Variants in TECRL observed in about 807,000 individuals in gnomAD.
TECRL encodes trans-2,3-enoyl-CoA reductase like, also known as trans-2,3-enoyl-CoA reductase-like.
A neutral mutation model predicts 52.8 loss-of-function variants in TECRL; 63 were observed. That is an observed-to-expected ratio of 1.19 (90% CI 0.97 to 1.47). The LOEUF (loss-of-function observed/expected upper bound fraction) is 1.47, where lower values mean the gene tolerates loss of function less well. Ranked by LOEUF, TECRL falls within the 40% of genes most tolerant of loss-of-function variation. The probability of loss-of-function intolerance (pLI) is 0.00; values close to 1 mark genes in which losing one functional copy is unlikely to be tolerated. For missense variants in TECRL, 482 were observed against 429.6 expected, an observed-to-expected ratio of 1.12 and a Z score of -1.08; for synonymous variants, 164 against 141.9, an observed-to-expected ratio of 1.16 and a Z score of -1.10.
chr4:64,314,744 G>A lies in TECRL; in HGVS notation c.455C>T (p.Thr152Ile), dbSNP rs1717367166. Residue 152 changes from threonine to isoleucine, a missense_variant, in exon 5 of 12, where the codon ACA becomes ATA. By Grantham distance (89) the Thr-to-Ile change is moderately conservative. Transcript: ENST00000381210. ...GAGGAGGTATATTAGCAGAGGTCCTGTGTATTCAGCCAAAAACACCTGAAA... is the reference window on the plus strand; with the variant it reads ...GAGGAGGTATATTAGCAGAGGTCCTATGTATTCAGCCAAAAACACCTGAAA... ...SWTTVFLAEY[T>I]GPLLIYLLFY... 2 of 1,612,808 alleles carry A rather than the reference G, an allele frequency of 1.2e-6. No homozygotes were observed. Among genetic ancestry groups the A allele is most frequent in the African/African-American group, 2.7e-5 (2 of 74,842 alleles).
chr4:64,373,723 TCAAA>T (rs1178315456), intron 2 of TECRL, among the ~76,000 whole-genome samples: 4 of 151,468 alleles, frequency 2.6e-5, no homozygotes, highest in Admixed American at 2.0e-4. Flanking sequence ...AAAGTCATTT[TCAAA>T]TGTCTTCCTA....
chr4:64,341,488 TAC>T (rs1719565122), intron 2 of TECRL, among the ~76,000 whole-genome samples: 1 of 151,992 alleles, frequency 6.6e-6, no homozygotes, highest in Non-Finnish European at 1.5e-5. Context: ...TAATCTCAGC[TAC>T]TTGGGAGGCT....
chr4:64,407,467 A>T (rs1317474848), intron 1 of TECRL, among the ~76,000 whole-genome samples: 1 of 151,072 alleles, frequency 6.6e-6, no homozygotes, highest in Non-Finnish European at 1.5e-5. Context: ...TAAGGCAAAT[A>T]ATTAGGAACT....
At chr4:64,367,492 C>T (rs1421907268) in intron 2 of TECRL, among the ~76,000 whole-genome samples, 1 of 151,892 alleles carries the variant, frequency 6.6e-6, no homozygotes, top group East Asian at 1.9e-4. Context: ...GGCAAAAAAC[C>T]AACACAAAAT....
chr4:64,341,508 G>T (rs1002537264), intron 2 of TECRL, among the ~76,000 whole-genome samples: 1 of 152,148 alleles, frequency 6.6e-6, no homozygotes, highest in African/African-American at 2.4e-5. Context: ...GCTGAGGCAG[G>T]AGAATCATTT....
At chr4:64,355,583 T>C (rs889537612) in intron 2 of TECRL, among the ~76,000 whole-genome samples, 1 of 151,756 alleles carries the variant, frequency 6.6e-6, no homozygotes, top group Non-Finnish European at 1.5e-5. Context: ...CAGATGACGA[T>C]GTCAGGAGAT....
chr4:64,345,738 A>T (rs919237178), intron 2 of TECRL, among the ~76,000 whole-genome samples: 2 of 151,746 alleles, frequency 1.3e-5, no homozygotes, highest in African/African-American at 4.8e-5. Flanking sequence ...CTAAGTCACA[A>T]GCAGACCCCA....
At chr4:64,385,658 T>A (rs1210924441) in intron 1 of TECRL, among the ~76,000 whole-genome samples, 1 of 152,026 alleles carries the variant, frequency 6.6e-6, no homozygotes, top group East Asian at 1.9e-4. Flanking sequence ...CAAGGCAGGA[T>A]ATAATTTACT....
In TECRL at chr4:64,372,509, A is replaced by G. The variant is rs534060058; in HGVS notation, c.286+2663T>C. Among the ~76,000 whole-genome samples the G allele has an allele frequency of 3.3e-5, 5 of 151,928 alleles. No homozygotes were observed. The South Asian group carries it at 1.0e-3, about 31-fold the overall frequency. On this transcript the variant is annotated intron_variant, in intron 2 of 11. Transcript: ENST00000381210. ...TAGAGTAAACTAAGAGATTATTCTT[A>G]TAACAAAGCAGAACTTAAAAATTAC...
At chr4:64,315,869 A>G (rs1717462978) in intron 4 of TECRL, among the ~76,000 whole-genome samples, 1 of 152,106 alleles carries the variant, frequency 6.6e-6, no homozygotes, top group African/African-American at 2.4e-5. Flanking sequence ...TTAGAAATAT[A>G]TATATATTTT....
chr4:64,407,485 A>ATG (rs35563807), intron 1 of TECRL, among the ~76,000 whole-genome samples: 18,125 of 148,688 alleles, frequency 0.12, 1,262 homozygotes, highest in African/African-American at 0.2. Flanking sequence ...ACTAATTGGC[A>ATG]TGTGTGTGTG....
chr4:64,356,052 T>G (rs1720747774), intron 2 of TECRL, among the ~76,000 whole-genome samples: 1 of 152,014 alleles, frequency 6.6e-6, no homozygotes, highest in Admixed American at 6.6e-5. Context: ...GGAATCAAGG[T>G]TTAAGGGATC....
Position 64,314,699 on chromosome 4 carries a change from C to T in TECRL, c.500G>A (p.Cys167Tyr), listed in dbSNP as rs1305598516. ...AGCACTCTCTTTTCCATCATATATA[C>T]ATGGGATCCTCAAATAAAAGAGGAG... Reference protein sequence around the residue: ...IYLLFYLRIPCIYDGKESARR... With the variant: ...IYLLFYLRIPYIYDGKESARR... The change falls in exon 5 of 12, where the codon TGT (cysteine) becomes TAT (tyrosine). Residue 167 changes from cysteine (C) to tyrosine (Y), a missense_variant. Physicochemically the swap from Cys to Tyr is radical, Grantham distance 194 (BLOSUM62 -2). Coordinates refer to ENST00000381210, the MANE Select transcript of TECRL (RefSeq NM_001010874.5). 1.2e-6 allele frequency: 2 copies of T among 1,607,388 alleles called. No individual in the cohort carries two copies. Among genetic ancestry groups the T allele is most frequent in the Admixed American group, 3.4e-5 (2 of 59,648 alleles).
intron 2 of TECRL, among the ~76,000 whole-genome samples, chr4:64,348,841 T>A (rs1436419361): frequency 6.6e-6 from 1 of 152,162 alleles, no homozygotes; most frequent in Non-Finnish European, 1.5e-5. Flanking sequence ...GAGAAAGTGA[T>A]GTTGTAGTCA....
At chr4:64,277,061 A>C (rs1722598093), downstream of TECRL, 1 of 1,498,248 alleles carries the variant, frequency 6.7e-7, no homozygotes, top group African/African-American at 1.4e-5. Context: ...CCTGGAAATA[A>C]AAATGAGAAA....
At chr4:64,406,403 A>G (rs1724729940) in intron 1 of TECRL, among the ~76,000 whole-genome samples, 1 of 152,058 alleles carries the variant, frequency 6.6e-6, no homozygotes, top group Admixed American at 6.6e-5. Flanking sequence ...ATTATAACAA[A>G]TCATGTCAAA....
chr4:64,399,330 A>C (rs1724179080), intron 1 of TECRL, among the ~76,000 whole-genome samples: 1 of 152,222 alleles, frequency 6.6e-6, no homozygotes, highest in Non-Finnish European at 1.5e-5. Context: ...CTTATATTTA[A>C]AAGAGAAGCA....
At chr4:64,288,521 TGTC>T (rs1476178850) in intron 9 of TECRL, among the ~76,000 whole-genome samples, 1 of 152,138 alleles carries the variant, frequency 6.6e-6, no homozygotes, top group African/African-American at 2.4e-5. Context: ...TTTGAAGTGT[TGTC>T]TTTTCTTATT....
At chr4:64,320,212 G>T (rs1320270622) in intron 4 of TECRL, among the ~76,000 whole-genome samples, 1 of 151,716 alleles carries the variant, frequency 6.6e-6, no homozygotes, top group Non-Finnish European at 1.5e-5. Flanking sequence ...AATGAGGCAA[G>T]ATTTTACTCA....
Sources: gnomAD v4.1 joint callset for allele counts (sites outside exome capture counted in the v4.1 genomes callset) on GRCh38, gnomAD v4.1.1 for gene constraint, MANE v1.5 for transcripts, NCBI Gene and HGNC (gene_info 2026-07-23, HGNC 2026-07-21) for gene names.